Variants in BBS12 observed in about 807,000 individuals in gnomAD.
BBS12 encodes the protein Bardet-Biedl syndrome 12.
In BBS12, 5 loss-of-function variants were observed where a neutral mutation model predicts 5.6. The ratio of observed to expected loss-of-function variants is 0.89; its 90% confidence interval spans 0.46 to 1.86. BBS12 has a LOEUF of 1.86. BBS12 is among the 40% of genes most tolerant of loss of function. The pLI is 0.01. For synonymous variants in BBS12, 308 were observed against 306.8 expected (o/e 1.00, Z -0.04); for missense variants, 748 against 830.4 (o/e 0.90, Z 1.22).
At chr4:122,714,728 C>G in the BBS12 span, among the ~76,000 whole-genome samples, 2 of 151,972 alleles carry the variant, frequency 1.3e-5, no homozygotes, top group Non-Finnish European at 2.9e-5. Flanking sequence ...TGAATGAACT[C>G]TAATAACAGG....
the BBS12 span, among the ~76,000 whole-genome samples, chr4:122,716,563 A>G: frequency 2.7e-5 from 4 of 149,914 alleles, no homozygotes; most frequent in African/African-American, 9.7e-5. Flanking sequence ...ACACATATGT[A>G]TATATAAACA....
At chr4:122,727,388 G>A in the BBS12 span, among the ~76,000 whole-genome samples, 1 of 151,670 alleles carries the variant, frequency 6.6e-6, no homozygotes, top group East Asian at 2.0e-4. Flanking sequence ...GGGACTACAG[G>A]TGCCTGCCAC....
the BBS12 span, among the ~76,000 whole-genome samples, chr4:122,707,891 A>C: frequency 0.089 from 13,569 of 151,924 alleles, 1,626 homozygotes; most frequent in African/African-American, 0.27. Context: ...CAGATACATC[A>C]CTGCCCCTGC....
At chr4:122,713,788 ATAT>A in the BBS12 span, among the ~76,000 whole-genome samples, 6 of 152,346 alleles carry the variant, frequency 3.9e-5, no homozygotes, top group African/African-American at 1.2e-4. Flanking sequence ...GACTTGCCAG[ATAT>A]TAGTGCAATG....
the BBS12 span, among the ~76,000 whole-genome samples, chr4:122,721,423 A>G: frequency 6.6e-6 from 1 of 152,246 alleles, no homozygotes; most frequent in African/African-American, 2.4e-5. Context: ...TAGGAATTAA[A>G]TGTTAACCGT....
intron 1 of BBS12, among the ~76,000 whole-genome samples, chr4:122,736,653 A>C (rs1800787921): frequency 6.6e-6 from 1 of 152,208 alleles, no homozygotes. Context: ...GGTGCATAAC[A>C]GGACATGCAT....
the BBS12 span, among the ~76,000 whole-genome samples, chr4:122,719,572 G>A: frequency 5.9e-5 from 9 of 151,876 alleles, no homozygotes; most frequent in African/African-American, 2.2e-4. Flanking sequence ...AACTCCGGAC[G>A]CACCACCTTT....
chr4:122,723,323 C>T, the BBS12 span, among the ~76,000 whole-genome samples: 74 of 152,242 alleles, frequency 4.9e-4, no homozygotes, highest in African/African-American at 1.8e-3. Context: ...AAATGCTTTT[C>T]CTTAAATGGT....
At chr4:122,714,938 A>G in the BBS12 span, among the ~76,000 whole-genome samples, 1 of 152,232 alleles carries the variant, frequency 6.6e-6, no homozygotes, top group African/African-American at 2.4e-5. Flanking sequence ...TGTTTTACAT[A>G]GTTGAGGAAA....
intron 1 of BBS12, among the ~76,000 whole-genome samples, chr4:122,733,327 G>A (rs1800729517): frequency 6.6e-6 from 1 of 150,494 alleles, no homozygotes; most frequent in Non-Finnish European, 1.5e-5. Context: ...TTACGAGGTA[G>A]GACTTTGGCC....
chr4:122,740,620 T>C (rs1247532496), intron 1 of BBS12, among the ~76,000 whole-genome samples: 1 of 152,172 alleles, frequency 6.6e-6, no homozygotes, highest in Non-Finnish European at 1.5e-5. Context: ...TCCTGGTACA[T>C]TGTAGGTGCT....
chr4:122,706,576 GA>G, the BBS12 span, among the ~76,000 whole-genome samples: 5 of 151,224 alleles, frequency 3.3e-5, no homozygotes, highest in Non-Finnish European at 5.9e-5. Context: ...TCTCAGAAAA[GA>G]AAAAAAAATT....
chr4:122,707,671 C>G, the BBS12 span, among the ~76,000 whole-genome samples: 1 of 152,198 alleles, frequency 6.6e-6, no homozygotes, highest in Admixed American at 6.5e-5. Context: ...GCCTCCACCC[C>G]TAGCCAGGCC....
intron 1 of BBS12, among the ~76,000 whole-genome samples, chr4:122,734,369 C>T (rs1385018884): frequency 6.6e-6 from 1 of 151,998 alleles, no homozygotes; most frequent in East Asian, 1.9e-4. Context: ...GGGTTCTCGC[C>T]GTTCTTCTGC....
Position 122,741,828 on chromosome 4 carries a change from A to G in BBS12, c.-10-55A>G, listed in dbSNP as rs1012609620. Reference sequence around the variant, plus strand: ...TATCTTGTTTTTATTTCTATATAGCATTTATAACTATGAATTATACTGAAT... The same window carrying G: ...TATCTTGTTTTTATTTCTATATAGCGTTTATAACTATGAATTATACTGAAT... On this transcript the variant is annotated intron_variant, in intron 1 of 1. Transcript: ENST00000314218. The G allele has an allele frequency of 6.9e-6, 10 of 1,450,386 alleles. No individual in the cohort carries two copies. The African/African-American group carries it at 1.0e-4, about 15-fold the overall frequency. 89.8% of individuals were successfully genotyped at this position (1,450,386 alleles called of 1,614,324 possible).
intron 1 of BBS12, among the ~76,000 whole-genome samples, chr4:122,737,893 C>T (rs1800807282): frequency 6.6e-6 from 1 of 152,128 alleles, no homozygotes; most frequent in Non-Finnish European, 1.5e-5. Flanking sequence ...TGATTTTTGA[C>T]AAAGATGCTA....
intron 1 of BBS12, among the ~76,000 whole-genome samples, chr4:122,737,351 G>A (rs1385106758): frequency 6.6e-6 from 1 of 152,198 alleles, no homozygotes; most frequent in African/African-American, 2.4e-5. Context: ...GTAGTTAATA[G>A]CATAGGCTTT....
chr4:122,739,682 C>T (rs1450803448), intron 1 of BBS12, among the ~76,000 whole-genome samples: 1 of 152,182 alleles, frequency 6.6e-6, no homozygotes, highest in Non-Finnish European at 1.5e-5. Flanking sequence ...TAGACAGCTT[C>T]GGAGGGTATG....
the BBS12 span, among the ~76,000 whole-genome samples, chr4:122,721,168 C>G: frequency 1.4e-4 from 21 of 152,046 alleles, no homozygotes; most frequent in African/African-American, 5.1e-4. Flanking sequence ...AATTTATCAC[C>G]AGCAGATCTT....
Sources: gnomAD v4.1 joint callset for allele counts (sites outside exome capture counted in the v4.1 genomes callset) on GRCh38, gnomAD v4.1.1 for gene constraint, MANE v1.5 for transcripts, NCBI Gene and HGNC (gene_info 2026-07-23, HGNC 2026-07-21) for gene names.